The following CNP variants were observed in gnomAD, a reference collection of about 807,000 sequenced individuals.
The protein encoded by CNP is 2',3'-cyclic nucleotide 3' phosphodiesterase.
A neutral mutation model predicts 37.9 loss-of-function variants in CNP; 8 were observed. That is an observed-to-expected ratio of 0.21 (90% CI 0.12 to 0.38). The LOEUF is 0.38. Ranked by LOEUF, CNP falls within the 10% of genes least tolerant of loss-of-function variation. The pLI, the probability that CNP is intolerant of heterozygous loss-of-function variation, is 1.00. For synonymous variants in CNP, 237 were observed against 238.3 expected (o/e 0.99, Z 0.05); for missense variants, 457 against 551.0 (o/e 0.83, Z 1.71).
chr17:41,968,796 G>A lies in CNP; in HGVS notation c.676+56G>A. 4 of 1,516,710 alleles carry A rather than the reference G, an allele frequency of 2.6e-6. No individual in the cohort carries two copies. Among genetic ancestry groups the A allele is most frequent in the Non-Finnish European group, 3.5e-6 (4 of 1,129,844 alleles). The allele number at this position is 1,516,710 out of a possible 1,614,324, so 94.0% of individuals were successfully genotyped here. A position where few individuals can be genotyped will look rare whatever the true frequency, so the allele number is the denominator to read the frequency against. ...ACCTTGCTGGGCACAGGGTGCTGCG[G>A]GCAAAGGACCATCATTGTACTCAAA... On this transcript the variant is annotated intron_variant, in intron 2 of 3. Coordinates refer to ENST00000393892, the MANE Select transcript of CNP (RefSeq NM_033133.5). This position sits in a 1 kb window ranked among gnomAD's most constrained non-coding sequence, Gnocchi z 4.8.
rs1408734319 is a variant in CNP at position 41,973,944 on chromosome 17, T to G, written c.*20T>G. On this transcript the variant is annotated 3_prime_UTR_variant, in exon 4 of 4. Coordinates refer to ENST00000393892, the MANE Select transcript of CNP (RefSeq NM_033133.5). ...ATATGAGTGTTCTCACCACCACTTATGCCCCTAGAAGGGAAGGGGAGAGGG... is the reference window on the plus strand; with the variant it reads ...ATATGAGTGTTCTCACCACCACTTAGGCCCCTAGAAGGGAAGGGGAGAGGG... 3.4e-6 allele frequency: 5 copies of G among 1,486,044 alleles called. No homozygotes were observed. The highest frequency in any genetic ancestry group is 4.5e-6 in the Non-Finnish European group (5 of 1,120,300). 92.1% of individuals were successfully genotyped at this position (1,486,044 alleles called of 1,614,324 possible). A position where few individuals can be genotyped will look rare whatever the true frequency, so the allele number is the denominator to read the frequency against.
Position 41,976,773 on chromosome 17 carries a change from G to GA in CNP, c.*2852dup. ...AAAGAAATTCCCTGGACCAGATGCT[G>GA]AAAGAGAAAAGAGGGGTTGGTAGTT... is the stretch of plus-strand genomic sequence containing the variant. On this transcript the variant is annotated 3_prime_UTR_variant, in exon 4 of 4. Coordinates refer to ENST00000393892, the MANE Select transcript of CNP (RefSeq NM_033133.5). 1 of 1,610,864 alleles carries GA rather than the reference G, an allele frequency of 6.2e-7. No homozygotes were observed. The highest frequency in any genetic ancestry group is 8.5e-7 in the Non-Finnish European group (1 of 1,179,306).
intron 2 of CNP, chr17:41,970,439 G>GC (rs1251690064): frequency 1.4e-5 from 2 of 143,228 alleles, no homozygotes; most frequent in African/African-American, 5.3e-5. Flanking sequence ...TTGCTCTGTC[G>GC]CCCAGGCTGG....
chr17:41,968,390 C>T lies in CNP; in HGVS notation c.326C>T (p.Ala109Val), dbSNP rs2050934817. 1 of 1,614,028 alleles carries T rather than the reference C, an allele frequency of 6.2e-7. No individual in the cohort carries two copies. Among genetic ancestry groups the T allele is most frequent in the Non-Finnish European group, 8.5e-7 (1 of 1,179,998 alleles). ...AAGCGGCTCGATGAGGACCTGGCTG[C>T]CTACTGCCGCCGCCGGGACATCAGA... ...EYKRLDEDLA[A>V]YCRRRDIRIL... The change falls in exon 2 of 4, where the codon GCC (alanine) becomes GTC (valine). Residue 109 changes from alanine (A) to valine (V), a missense_variant. By Grantham distance (64) the Ala-to-Val change is moderately conservative. Around this residue, in one of 2 missense-constraint regions of CNP, gnomAD observed 166 missense variants for 259.3 expected, o/e 0.64. Transcript: ENST00000393892. This position sits in a 1 kb window ranked among gnomAD's most constrained non-coding sequence, Gnocchi z 4.8.
In CNP at chr17:41,976,518, TC is replaced by T; in HGVS notation, c.*2597del. On this transcript the variant is annotated 3_prime_UTR_variant, in exon 4 of 4. Transcript: ENST00000393892. ...GTAAAACAAAAATTCACAAGCTGCC[TC>T]CCTGTCCACCCCCGCCTCCCTCCCC... 1.8e-6 allele frequency: 1 copy of T among 542,256 alleles called. No individual in the cohort carries two copies. The highest frequency in any genetic ancestry group is 2.6e-5 in the South Asian group (1 of 38,492). 33.6% of individuals were successfully genotyped at this position (542,256 alleles called of 1,614,324 possible).
chr17:41,976,486 T>C lies in CNP; in HGVS notation c.*2562T>C. 1 of 496,038 alleles carries C rather than the reference T, an allele frequency of 2.0e-6. No individual in the cohort carries two copies. The highest frequency in any genetic ancestry group is 3.5e-6 in the Non-Finnish European group (1 of 285,634). The allele number at this position is 496,038 out of a possible 1,614,324, so 30.7% of individuals were successfully genotyped here. ...CTTTTTTTTTTCTTTTTTAATAAAG[T>C]TAAACAGTAAAACAAAAATTCACAA... On this transcript the variant is annotated 3_prime_UTR_variant, in exon 4 of 4. Coordinates refer to ENST00000393892, the MANE Select transcript of CNP (RefSeq NM_033133.5).
chr17:41,976,855 G>A lies in CNP; in HGVS notation c.*2931G>A. On this transcript the variant is annotated 3_prime_UTR_variant, in exon 4 of 4. Coordinates refer to ENST00000393892, the MANE Select transcript of CNP (RefSeq NM_033133.5). ...CTCTGATTATGGAAAAGTCTTCAAG[G>A]GCTGCTTCAAACTCAAACACAGAGA... The A allele has an allele frequency of 6.5e-7, 1 of 1,529,432 alleles. No individual in the cohort carries two copies. Among genetic ancestry groups the A allele is most frequent in the East Asian group, 2.3e-5 (1 of 44,036 alleles). The allele number at this position is 1,529,432 out of a possible 1,614,324, so 94.7% of individuals were successfully genotyped here.
chr17:41,969,661 T>C (rs1266524892), intron 2 of CNP, among the ~76,000 whole-genome samples: 2 of 152,006 alleles, frequency 1.3e-5, no homozygotes, highest in African/African-American at 4.8e-5. Context: ...ATTCAAGCAA[T>C]TCTCCTGCCT....
chr17:41,974,205 C>T lies in CNP; in HGVS notation c.*281C>T. 1.1e-5 allele frequency: 3 copies of T among 261,232 alleles called. No individual in the cohort carries two copies. Among genetic ancestry groups the T allele is most frequent in the Non-Finnish European group, 2.2e-5 (3 of 138,490 alleles). 16.2% of individuals were successfully genotyped at this position (261,232 alleles called of 1,614,324 possible). The stretch of plus-strand genomic sequence containing the variant: ...GCCAAGCCAGGGATGGGGCCACAGC[C>T]AGAACCCCGAGCCCTACTTCCAGGT... On this transcript the variant is annotated 3_prime_UTR_variant, in exon 4 of 4. Coordinates refer to ENST00000393892, the MANE Select transcript of CNP (RefSeq NM_033133.5).
At chr17:41,969,312 A>G (rs1248649921) in intron 2 of CNP, among the ~76,000 whole-genome samples, 1 of 152,124 alleles carries the variant, frequency 6.6e-6, no homozygotes, top group Non-Finnish European at 1.5e-5. Context: ...CAAGTCTCAC[A>G]CTTAGGCCAA....
chr17:41,971,951 C>A lies in CNP; in HGVS notation c.736C>A (p.Pro246Thr). Residue 246 changes from proline to threonine, a missense_variant, in exon 3 of 4, where the codon CCC becomes ACC. This residue lies in a region of CNP where 291 missense variants were observed against 291.7 expected (regional missense o/e 1.00). Transcript: ENST00000393892. Reference sequence around the variant, plus strand: ...CTTGGTCACCTACTTTGGAAAGAGACCCCCAGGCGTGCTGCATTGCACAAC... The same window carrying A: ...CTTGGTCACCTACTTTGGAAAGAGAACCCCAGGCGTGCTGCATTGCACAAC... The part of the protein sequence containing the change: ...MDLVTYFGKR[P>T]PGVLHCTTKF... The A allele has an allele frequency of 1.2e-6, 2 of 1,613,798 alleles. No homozygotes were observed. The highest frequency in any genetic ancestry group is 1.7e-6 in the Non-Finnish European group (2 of 1,179,932).
In CNP at chr17:41,971,876, C is replaced by T. The variant is rs782129468; in HGVS notation, c.677-16C>T. ...CCTGCTCCCCTGCCCTGACTGCACC[C>T]GTTTTCTCCCGGCAGTCGTCCCTGG... On this transcript the variant is annotated splice_polypyrimidine_tract_variant and intron_variant, in intron 2 of 3. Transcript: ENST00000393892. 2.4e-5 allele frequency: 38 copies of T among 1,613,376 alleles called. No homozygotes were observed. The highest frequency in any genetic ancestry group is 3.3e-5 in the Admixed American group (2 of 59,954).
In CNP at chr17:41,976,661, G is replaced by A; in HGVS notation, c.*2737G>A. ...CACGGAGACGTGATGAAGGGAGGAGGTGAACTGTTTCCACATTCAAGATTA... is the reference window on the plus strand; with the variant it reads ...CACGGAGACGTGATGAAGGGAGGAGATGAACTGTTTCCACATTCAAGATTA... On this transcript the variant is annotated 3_prime_UTR_variant, in exon 4 of 4. Coordinates refer to ENST00000393892, the MANE Select transcript of CNP (RefSeq NM_033133.5). The A allele has an allele frequency of 6.3e-7, 1 of 1,576,862 alleles. No homozygotes were observed.
Position 41,966,832 on chromosome 17 carries a change from GC to G in CNP, c.-49del. The G allele has an allele frequency of 3.6e-6, 5 of 1,376,570 alleles. No homozygotes were observed. The highest frequency in any genetic ancestry group is 1.6e-5 in the South Asian group (1 of 61,124). 85.3% of individuals were successfully genotyped at this position (1,376,570 alleles called of 1,614,324 possible). On this transcript the variant is annotated 5_prime_UTR_variant, in exon 1 of 4. Coordinates refer to ENST00000393892, the MANE Select transcript of CNP (RefSeq NM_033133.5). ...CCGTGTCCCTCCGCGCAGGCGGGCG[GC>G]CCCGGAGCGCTGGTGCCGGCAGAGG...
intron 2 of CNP, among the ~76,000 whole-genome samples, chr17:41,970,033 C>T (rs1555643562): frequency 6.6e-6 from 1 of 152,200 alleles, no homozygotes; most frequent in African/African-American, 2.4e-5. Flanking sequence ...TGACATTGGC[C>T]AGGAGCAAGC....
chr17:41,973,430 A>G, intron 3 of CNP, 45 bp from the exon 4 acceptor site: 1 of 1,564,754 alleles, frequency 6.4e-7, no homozygotes, highest in Non-Finnish European at 8.7e-7. Flanking sequence ...GTTCCTCAAG[A>G]GCCTGCCATC....
rs1363050659 is a variant in CNP, at chr17:41,968,409, C to T, written c.345C>T (p.Asp115=). 4 of 1,614,162 alleles carry T rather than the reference C, an allele frequency of 2.5e-6. No individual in the cohort carries two copies. Among genetic ancestry groups the T allele is most frequent in the Non-Finnish European group, 3.4e-6 (4 of 1,180,034 alleles). ...TGGCTGCCTACTGCCGCCGCCGGGACATCAGAATTCTTGTGCTTGATGACA... is the reference window on the plus strand; with the variant it reads ...TGGCTGCCTACTGCCGCCGCCGGGATATCAGAATTCTTGTGCTTGATGACA... ...EDLAAYCRRR[D]IRILVLDDTN... The change falls in exon 2 of 4, where the codon GAC becomes GAT. Residue 115 remains aspartate (D), a synonymous_variant. Transcript: ENST00000393892. The surrounding 1 kb of genome is among the most constrained non-coding windows in gnomAD (Gnocchi z 4.8).
intron 3 of CNP, among the ~76,000 whole-genome samples, chr17:41,973,227 A>G (rs1555644095): frequency 6.6e-6 from 1 of 152,110 alleles, no homozygotes; most frequent in Non-Finnish European, 1.5e-5. Context: ...GGGCTCCCTC[A>G]GGAAGTCCGG....
chr17:41,973,405 C>T lies in CNP; in HGVS notation c.817-70C>T, dbSNP rs1412489017. 8 of 1,465,106 alleles carry T rather than the reference C, an allele frequency of 5.5e-6. No individual in the cohort carries two copies. The African/African-American group carries it at 1.1e-4, about 20-fold the overall frequency. The allele number at this position is 1,465,106 out of a possible 1,614,324, so 90.8% of individuals were successfully genotyped here. A position where few individuals can be genotyped will look rare whatever the true frequency, so the allele number is the denominator to read the frequency against. On this transcript the variant is annotated intron_variant, in intron 3 of 3. Transcript: ENST00000393892. ...CCCCTTCTCTCCTCCAGGAGGGACC[C>T]TCCCTGGGTCAGCTGTTCCTCAAGA... is the stretch of plus-strand genomic sequence containing the variant.
Sources: gnomAD v4.1 joint callset for allele counts (sites outside exome capture counted in the v4.1 genomes callset) on GRCh38, gnomAD v4.1.1 for gene constraint, gnomAD v4.1.1 regional missense constraint, Gnocchi (gnomAD v3.1) non-coding constraint, MANE v1.5 for transcripts, NCBI Gene and HGNC (gene_info 2026-07-23, HGNC 2026-07-21) for gene names.